The following MPHOSPH9 variants were observed in gnomAD, a reference collection of about 807,000 sequenced individuals.
The protein encoded by MPHOSPH9 is M-phase phosphoprotein 9.
Under a neutral mutation model 145.5 loss-of-function variants are expected in MPHOSPH9, and 88 were observed. The observed-to-expected ratio is 0.60, with a 90% confidence interval of 0.51 to 0.72. MPHOSPH9 has a LOEUF of 0.72. MPHOSPH9 is among the 30% of genes least tolerant of loss of function. The pLI, the probability that MPHOSPH9 is intolerant of heterozygous loss-of-function variation, is 0.00. For missense variants in MPHOSPH9, 1,238 were observed against 1,386.6 expected (o/e 0.89, Z 1.70); for synonymous variants, 435 against 486.2 (o/e 0.89, Z 1.39).
upstream of MPHOSPH9, chr12:123,233,797 T>G (rs1263471333): frequency 6.6e-6 from 1 of 152,612 alleles, no homozygotes; most frequent in Admixed American, 6.5e-5. Flanking sequence ...GAGGAGAGAC[T>G]ACCGTCCTGG....
intron 3 of MPHOSPH9, chr12:123,226,226 A>G (rs983516700): frequency 1.6e-6 from 1 of 619,938 alleles, no homozygotes; most frequent in Non-Finnish European, 2.1e-6. Context: ...TCAATTTTTT[A>G]AGCATATAAT....
rs186327752 is a variant in MPHOSPH9, at chr12:123,195,075, T to C, written c.2026-474A>G. Reference sequence around the variant, plus strand: ...TCCAGAAAGAATAGTTCTACTGGAATACCAGCCCCTGACATTATCATAAGG... The same window carrying C: ...TCCAGAAAGAATAGTTCTACTGGAACACCAGCCCCTGACATTATCATAAGG... On this transcript the variant is annotated intron_variant, in intron 12 of 23. Coordinates refer to ENST00000606320, the MANE Select transcript of MPHOSPH9 (RefSeq NM_022782.4). 2.0e-3 allele frequency among the ~76,000 whole-genome samples: 306 copies of C among 152,338 alleles called. 1 individual carries two copies. Among genetic ancestry groups the C allele is most frequent in the African/African-American group, 7.1e-3 (296 of 41,590 alleles).
chr12:123,223,144 T>C lies in MPHOSPH9; in HGVS notation c.259-17A>G. ...CCACCTGGTCTATTAAATTATAAAATATTTTAGTTAAAAATAATTTTTTGA... is the reference window on the plus strand; with the variant it reads ...CCACCTGGTCTATTAAATTATAAAACATTTTAGTTAAAAATAATTTTTTGA... On this transcript the variant is annotated splice_polypyrimidine_tract_variant and intron_variant, in intron 3 of 23. Coordinates refer to ENST00000606320, the MANE Select transcript of MPHOSPH9 (RefSeq NM_022782.4). 3 of 1,306,962 alleles carry C rather than the reference T, an allele frequency of 2.3e-6. No homozygotes were observed. The highest frequency in any genetic ancestry group is 2.1e-4 in the Middle Eastern group (1 of 4,864). 81.0% of individuals were successfully genotyped at this position (1,306,962 alleles called of 1,614,324 possible). A position where few individuals can be genotyped will look rare whatever the true frequency, so the allele number is the denominator to read the frequency against.
chr12:123,198,470 T>C (rs934956429), intron 11 of MPHOSPH9, 136 bp from the exon 12 acceptor site: 4 of 699,504 alleles, frequency 5.7e-6, no homozygotes, highest in South Asian at 1.9e-5. Flanking sequence ...GATGCCATTT[T>C]AATAGAATAT....
intron 11 of MPHOSPH9, among the ~76,000 whole-genome samples, chr12:123,201,018 TCTA>T (rs1327675465): frequency 1.3e-5 from 2 of 152,146 alleles, no homozygotes; most frequent in Non-Finnish European, 2.9e-5. Context: ...TAACCTGCTA[TCTA>T]CTGTTTGTGT....
upstream of MPHOSPH9, chr12:123,233,454 T>C (rs1163838763): frequency 1.7e-4 from 26 of 152,220 alleles, no homozygotes; most frequent in Admixed American, 1.7e-3. Context: ...AGATCAGGGA[T>C]CGCGATTGCG....
At chr12:123,196,458 C>G (rs1319121358) in intron 12 of MPHOSPH9, among the ~76,000 whole-genome samples, 1 of 152,058 alleles carries the variant, frequency 6.6e-6, no homozygotes, top group African/African-American at 2.4e-5. Flanking sequence ...ATTTTATCGT[C>G]TAATAGATAT....
chr12:123,202,370 C>G, intron 10 of MPHOSPH9, 51 bp from the exon 11 acceptor site: 1 of 1,513,942 alleles, frequency 6.6e-7, no homozygotes, highest in Non-Finnish European at 8.8e-7. Context: ...TCTTCAGTCT[C>G]CATCCCACAA....
At chr12:123,227,801 C>A (rs2047487902) in intron 2 of MPHOSPH9, among the ~76,000 whole-genome samples, 185 bp from the exon 3 acceptor site, 1 of 152,184 alleles carries the variant, frequency 6.6e-6, no homozygotes, top group Non-Finnish European at 1.5e-5. Flanking sequence ...AAAAAGACCG[C>A]ACTGTACTCT....
intron 3 of MPHOSPH9, among the ~76,000 whole-genome samples, chr12:123,224,059 C>T (rs1328405609): frequency 6.7e-6 from 1 of 150,250 alleles, no homozygotes; most frequent in East Asian, 2.0e-4. Context: ...CTCAGCCTCC[C>T]AAGTAGCTGA....
chr12:123,221,574 C>T lies in MPHOSPH9; in HGVS notation c.670G>A (p.Val224Ile), dbSNP rs147364688. ...GGTGCTACATACTGTCCTTTGGGAA[C>T]ATCTATGTGCTCCATGAACTCCTTA... ...DPKEFMEHID[V>I]PKGQYVAPAV... The change falls in exon 5 of 24, where the codon GTT (valine) becomes ATT (isoleucine). Residue 224 changes from valine (V) to isoleucine (I), a missense_variant. Physicochemically the swap from Val to Ile is conservative, Grantham distance 29. Coordinates refer to ENST00000606320, the MANE Select transcript of MPHOSPH9 (RefSeq NM_022782.4). The T allele has an allele frequency of 4.8e-5, 78 of 1,614,034 alleles. No homozygotes were observed. The highest frequency in any genetic ancestry group is 6.1e-5 in the Non-Finnish European group (72 of 1,180,008).
At chr12:123,167,173 A>C (rs548276026) in intron 16 of MPHOSPH9, among the ~76,000 whole-genome samples, 1 of 152,320 alleles carries the variant, frequency 6.6e-6, no homozygotes, top group South Asian at 2.1e-4. Flanking sequence ...ATCTTCTGCA[A>C]AACCAGAAAT....
At chr12:123,158,191 T>C (rs990904465) in intron 23 of MPHOSPH9, among the ~76,000 whole-genome samples, 6 of 151,980 alleles carry the variant, frequency 3.9e-5, no homozygotes, top group Admixed American at 2.0e-4. Context: ...GGTTTCGCCA[T>C]ATTGGCCAAG....
upstream of MPHOSPH9, among the ~76,000 whole-genome samples, chr12:123,236,859 GGATC>G (rs559154255): frequency 4.7e-3 from 719 of 152,164 alleles, 8 homozygotes; most frequent in Middle Eastern, 0.02. Context: ...CGAGGCGGGC[GGATC>G]GCCTGAGGTC....
intron 16 of MPHOSPH9, among the ~76,000 whole-genome samples, chr12:123,169,098 AG>A (rs2044459470): frequency 6.6e-6 from 1 of 151,678 alleles, no homozygotes; most frequent in Non-Finnish European, 1.5e-5. Flanking sequence ...GTTATTAGCC[AG>A]GATGGTCTTG....
intron 6 of MPHOSPH9, among the ~76,000 whole-genome samples, chr12:123,216,237 T>C (rs1209950453): frequency 6.6e-6 from 1 of 152,194 alleles, no homozygotes; most frequent in Non-Finnish European, 1.5e-5. Flanking sequence ...AGAGCTTCAT[T>C]TACCTTCACT....
intron 3 of MPHOSPH9, among the ~76,000 whole-genome samples, chr12:123,225,156 C>G (rs888046727): frequency 1.3e-5 from 2 of 152,014 alleles, no homozygotes; most frequent in Non-Finnish European, 2.9e-5. Flanking sequence ...AAAAACAGAG[C>G]TCAGAGGCTG....
At chr12:123,194,315 C>G in intron 13 of MPHOSPH9, 71 bp downstream of exon 13, 1 of 882,556 alleles carries the variant, frequency 1.1e-6, no homozygotes, top group Non-Finnish European at 1.7e-6. Context: ...GTCATAATCA[C>G]TTGTAAGAGT....
Position 123,203,274 on chromosome 12 carries a change from A to G in MPHOSPH9, c.1296T>C (p.Ala432=), listed in dbSNP as rs1028607430. The G allele has an allele frequency of 1.2e-6, 2 of 1,613,778 alleles. No homozygotes were observed. The highest frequency in any genetic ancestry group is 2.7e-5 in the African/African-American group (2 of 74,916). Residue 432 remains alanine, a synonymous_variant, in exon 9 of 24, where the codon GCT becomes GCC. Transcript: ENST00000606320. The part of the protein sequence containing the change: ...KQLPERNLTS[A]SNPNHPPEVL... ...CCTCTGGTGGATGATTTGGGTTGGA[A>G]GCAGAAGTGAGATTCCTCTCAGGTA...
Sources: allele counts gnomAD v4.1 joint callset (sites outside exome capture counted in the v4.1 genomes callset), GRCh38; gene constraint gnomAD v4.1.1; transcripts MANE v1.5; gene names NCBI Gene and HGNC (gene_info 2026-07-23, HGNC 2026-07-21).